CPQ: variants seen among roughly 807,000 people sequenced by gnomAD.
CPQ encodes Ser-Met dipeptidase.
A neutral mutation model predicts 45.7 loss-of-function variants in CPQ; 37 were observed. The observed-to-expected ratio is 0.81, with a 90% CI of 0.62 to 1.07. The LOEUF (loss-of-function observed/expected upper bound fraction) is 1.07, where lower values mean the gene tolerates loss of function less well. Ranked by LOEUF, CPQ falls within the 50% of genes least tolerant of loss-of-function variation. The pLI, the probability that CPQ is intolerant of heterozygous loss-of-function variation, is 0.00. For missense variants in CPQ, 537 were observed against 572.9 expected, an observed-to-expected ratio of 0.94 and a Z score of 0.64; for synonymous variants, 186 against 205.8, an observed-to-expected ratio of 0.90 and a Z score of 0.82.
chr8:96,980,422 C>T (rs886139435), intron 5 of CPQ, among the ~76,000 whole-genome samples: 2 of 152,172 alleles, frequency 1.3e-5, no homozygotes, highest in Non-Finnish European at 2.9e-5. Flanking sequence ...CATTAGCCAC[C>T]GTGCCCAGCC....
intron 4 of CPQ, among the ~76,000 whole-genome samples, chr8:96,909,523 A>G (rs980378912): frequency 6.6e-6 from 1 of 152,138 alleles, no homozygotes; most frequent in Non-Finnish European, 1.5e-5. Context: ...TAAATTCAGC[A>G]ATTTCCTTTT....
At chr8:97,088,261 T>A (rs1465995570) in intron 7 of CPQ, among the ~76,000 whole-genome samples, 1 of 152,194 alleles carries the variant, frequency 6.6e-6, no homozygotes, top group Non-Finnish European at 1.5e-5. Flanking sequence ...AAAATGTAAA[T>A]GTTCATCTTT....
intron 6 of CPQ, among the ~76,000 whole-genome samples, chr8:97,044,202 T>TA (rs1810190118): frequency 6.6e-6 from 1 of 152,300 alleles, no homozygotes; most frequent in African/African-American, 2.4e-5. Flanking sequence ...CTTTTTTCTC[T>TA]AAAAATCCCT....
At chr8:96,752,442 G>A (rs921038490) in intron 1 of CPQ, among the ~76,000 whole-genome samples, 4 of 152,180 alleles carry the variant, frequency 2.6e-5, no homozygotes, top group African/African-American at 9.6e-5. Flanking sequence ...TGTTGTTGGT[G>A]TATAGTAATG....
intron 1 of CPQ, among the ~76,000 whole-genome samples, chr8:96,784,408 G>GGC (rs1554566996): frequency 1.3e-5 from 2 of 151,070 alleles, no homozygotes; most frequent in African/African-American, 4.9e-5. Context: ...GTGGGGGGGG[G>GGC]GTTGGTAAAA....
intron 4 of CPQ, among the ~76,000 whole-genome samples, chr8:96,958,420 A>G (rs1813393762): frequency 1.3e-5 from 2 of 150,228 alleles, no homozygotes; most frequent in Non-Finnish European, 2.9e-5. Flanking sequence ...GGCTAAATAG[A>G]GGAGGAATTC....
chr8:97,072,163 T>G (rs183827513), intron 7 of CPQ, among the ~76,000 whole-genome samples: 417 of 152,304 alleles, frequency 2.7e-3, no homozygotes, highest in African/African-American at 9.3e-3. Flanking sequence ...GATCAAATTT[T>G]ACTTCCTAGG....
chr8:97,077,027 A>C (rs1005790681), intron 7 of CPQ, among the ~76,000 whole-genome samples: 37 of 152,206 alleles, frequency 2.4e-4, no homozygotes, highest in Middle Eastern at 3.2e-3. Context: ...GAAAACTGTT[A>C]AGAAAAGCAT....
At chr8:96,757,122 T>A (rs968387822) in intron 1 of CPQ, among the ~76,000 whole-genome samples, 5 of 151,928 alleles carry the variant, frequency 3.3e-5, no homozygotes, top group African/African-American at 1.2e-4. Context: ...GCTGAGGTGG[T>A]AGATCACTTG....
intron 5 of CPQ, among the ~76,000 whole-genome samples, chr8:96,968,580 G>C (rs1204618792): frequency 6.6e-6 from 1 of 152,178 alleles, no homozygotes; most frequent in African/African-American, 2.4e-5. Flanking sequence ...TGAAAGCTCT[G>C]TGGCAATCTC....
intron 7 of CPQ, among the ~76,000 whole-genome samples, chr8:97,095,256 AG>A (rs1159178871): frequency 2.0e-5 from 3 of 152,138 alleles, no homozygotes; most frequent in Non-Finnish European, 1.5e-5. Flanking sequence ...ACATGTCTGA[AG>A]CCAAACTTCT....
chr8:97,130,088 C>G (rs532570027), intron 7 of CPQ, among the ~76,000 whole-genome samples: 1 of 152,172 alleles, frequency 6.6e-6, no homozygotes, highest in Non-Finnish European at 1.5e-5. Flanking sequence ...CTCAGCTATA[C>G]GAAATTATTA....
chr8:96,880,480 C>T (rs1045069650), intron 4 of CPQ, among the ~76,000 whole-genome samples: 2 of 142,040 alleles, frequency 1.4e-5, no homozygotes, highest in African/African-American at 5.3e-5. Context: ...ACCTAGGTGC[C>T]CATCAATGGT....
rs563203440 is a variant in CPQ at position 97,091,545 on chromosome 8, A to G, written c.1255+25335A>G. ...AGATCAGATACCTTTGTAGCATAAA[A>G]TCAGTTTTAGGGCAGTATGATTTTT... is the stretch of plus-strand genomic sequence containing the variant. On this transcript the variant is annotated intron_variant, in intron 7 of 7. Transcript: ENST00000220763. Among the ~76,000 whole-genome samples the G allele has an allele frequency of 2.6e-5, 4 of 152,296 alleles. No homozygotes were observed. The East Asian group carries it at 7.7e-4, about 29-fold the overall frequency.
chr8:97,013,652 G>A (rs1289434158), intron 5 of CPQ, among the ~76,000 whole-genome samples: 1 of 152,132 alleles, frequency 6.6e-6, no homozygotes, highest in Non-Finnish European at 1.5e-5. Flanking sequence ...AATGGTGTGA[G>A]GAAAATCACA....
intron 6 of CPQ, among the ~76,000 whole-genome samples, chr8:97,030,903 C>T (rs1586503724): frequency 6.6e-6 from 1 of 152,126 alleles, no homozygotes; most frequent in East Asian, 1.9e-4. Flanking sequence ...TGCACCTTGG[C>T]AGAGGGACCT....
intron 1 of CPQ, among the ~76,000 whole-genome samples, chr8:96,748,831 G>A (rs1311269138): frequency 6.6e-6 from 1 of 151,912 alleles, no homozygotes; most frequent in African/African-American, 2.4e-5. Flanking sequence ...GGTGTTTTTT[G>A]TGAACGCTGT....
At chr8:96,667,706 A>G (rs1230954633) in intron 1 of CPQ, among the ~76,000 whole-genome samples, 1 of 151,984 alleles carries the variant, frequency 6.6e-6, no homozygotes, top group Non-Finnish European at 1.5e-5. Context: ...GTTTGTTTCT[A>G]TCTTTATATC....
intron 5 of CPQ, among the ~76,000 whole-genome samples, chr8:96,982,497 C>T (rs1246544020): frequency 6.6e-6 from 1 of 152,064 alleles, no homozygotes; most frequent in African/African-American, 2.4e-5. Context: ...CACCACCATA[C>T]CCGGCTAATT....
Sources: gnomAD v4.1 joint callset for allele counts (sites outside exome capture counted in the v4.1 genomes callset) on GRCh38, gnomAD v4.1.1 for gene constraint, MANE v1.5 for transcripts, NCBI Gene and HGNC (gene_info 2026-07-23, HGNC 2026-07-21) for gene names.